Variants in DYNC1I1 observed in about 807,000 individuals in gnomAD.
The protein encoded by DYNC1I1 is cytoplasmic dynein 1 intermediate chain 1.
In DYNC1I1, 43 loss-of-function variants were observed where a neutral mutation model predicts 86.6. The ratio of observed to expected loss-of-function variants is 0.50; its 90% CI spans 0.39 to 0.64. The LOEUF is 0.64. Among genes scored for constraint, DYNC1I1 ranks in the 30% least tolerant of loss-of-function variants. The pLI is 0.00. For missense variants in DYNC1I1, 604 were observed against 788.8 expected, an observed-to-expected ratio of 0.77 and a Z score of 2.81; for synonymous variants, 262 against 283.7, an observed-to-expected ratio of 0.92 and a Z score of 0.77.
intron 6 of DYNC1I1, among the ~76,000 whole-genome samples, chr7:95,968,256 A>G (rs1162335382): frequency 6.6e-6 from 1 of 152,052 alleles, no homozygotes; most frequent in East Asian, 1.9e-4. Context: ...ATACAAAGAG[A>G]TAGAATTAAC....
chr7:95,978,228 G>A (rs1793357734), intron 7 of DYNC1I1, among the ~76,000 whole-genome samples: 1 of 152,138 alleles, frequency 6.6e-6, no homozygotes, highest in Non-Finnish European at 1.5e-5. Flanking sequence ...CAGAGAACTA[G>A]GAAGAGAGAG....
At chr7:96,023,961 G>A (rs775977041) in intron 10 of DYNC1I1, among the ~76,000 whole-genome samples, 12 of 152,134 alleles carry the variant, frequency 7.9e-5, no homozygotes, top group Admixed American at 7.9e-4. Flanking sequence ...ATCAAAATGT[G>A]ATGCTTGCCC....
intron 6 of DYNC1I1, among the ~76,000 whole-genome samples, chr7:95,975,414 T>C (rs548738161): frequency 6.6e-6 from 1 of 152,238 alleles, no homozygotes. Context: ...TCTGGCACTC[T>C]TTGGTGTTCC....
chr7:96,085,620 G>A (rs1790654781), intron 16 of DYNC1I1, among the ~76,000 whole-genome samples: 1 of 152,178 alleles, frequency 6.6e-6, no homozygotes, highest in African/African-American at 2.4e-5. Flanking sequence ...ATAAATGGAA[G>A]TTATGCGAAT....
rs542981341 is a variant in DYNC1I1, at chr7:95,914,787, C to T, written c.490+44789C>T. On this transcript the variant is annotated intron_variant, in intron 6 of 16. Transcript: ENST00000447467. Reference sequence around the variant, plus strand: ...ATTACAGAGGTCTAGTCTGAATTCTCCCGGCTGGGTGCCAGCTGTGCCCAT... The same window carrying T: ...ATTACAGAGGTCTAGTCTGAATTCTTCCGGCTGGGTGCCAGCTGTGCCCAT... Among the ~76,000 whole-genome samples the T allele has an allele frequency of 3.2e-4, 48 of 152,304 alleles. No homozygotes were observed. The South Asian group carries it at 8.9e-3, about 28-fold the overall frequency.
At chr7:95,819,606 A>G (rs1466561242) in intron 4 of DYNC1I1, among the ~76,000 whole-genome samples, 1 of 152,152 alleles carries the variant, frequency 6.6e-6, no homozygotes, top group East Asian at 1.9e-4. Flanking sequence ...TGTAATAAAT[A>G]ATACAAGATT....
chr7:95,869,821 C>A, intron 5 of DYNC1I1, 62 bp from the exon 6 acceptor site: 1 of 1,472,832 alleles, frequency 6.8e-7, no homozygotes, highest in Non-Finnish European at 9.4e-7. Context: ...TCTTTTATTA[C>A]TGATAGCTCT....
chr7:95,956,457 A>G (rs566303137), intron 6 of DYNC1I1, among the ~76,000 whole-genome samples: 1 of 150,316 alleles, frequency 6.7e-6, no homozygotes, highest in South Asian at 2.1e-4. Context: ...ATAGGTATAC[A>G]TGTGCCATGG....
chr7:96,064,319 A>G (rs528278721), intron 14 of DYNC1I1, among the ~76,000 whole-genome samples: 1 of 151,674 alleles, frequency 6.6e-6, no homozygotes, highest in South Asian at 2.1e-4. Context: ...GTCAAAGGAT[A>G]AGTTTATTTG....
chr7:96,075,918 C>T (rs1790322017), intron 14 of DYNC1I1, 139 bp from the exon 15 acceptor site: 2 of 1,202,240 alleles, frequency 1.7e-6, no homozygotes, highest in Middle Eastern at 2.1e-4. Flanking sequence ...CATTAAAGCT[C>T]CGGTTCACCT....
chr7:96,049,401 C>A (rs1789325847), intron 14 of DYNC1I1, among the ~76,000 whole-genome samples: 1 of 151,688 alleles, frequency 6.6e-6, no homozygotes, highest in Non-Finnish European at 1.5e-5. Flanking sequence ...CTTTTTCCAT[C>A]TTACTGACAA....
intron 16 of DYNC1I1, among the ~76,000 whole-genome samples, chr7:96,107,869 GTTTTTT>G (rs1178550637): frequency 1.2e-4 from 14 of 119,072 alleles, no homozygotes; most frequent in African/African-American, 4.1e-4. Context: ...TCATTGACAG[GTTTTTT>G]TTTTTTTTTT....
At chr7:96,102,957 T>C (rs1313819814), downstream of DYNC1I1, among the ~76,000 whole-genome samples, 1 of 152,116 alleles carries the variant, frequency 6.6e-6, no homozygotes, top group African/African-American at 2.4e-5. Flanking sequence ...TACCAACTCA[T>C]AAAGTTGAAT....
intron 14 of DYNC1I1, among the ~76,000 whole-genome samples, chr7:96,074,319 A>G (rs982792645): frequency 1.3e-5 from 2 of 151,980 alleles, no homozygotes; most frequent in Non-Finnish European, 2.9e-5. Flanking sequence ...GGAGGCCAAG[A>G]CGGGCGGATC....
At chr7:95,842,791 C>G (rs554834060) in intron 5 of DYNC1I1, among the ~76,000 whole-genome samples, 5 of 152,180 alleles carry the variant, frequency 3.3e-5, no homozygotes, top group Admixed American at 1.3e-4. Context: ...TTATTTGATG[C>G]TCTATGGGTG....
At chr7:95,917,940 C>G (rs1344415673) in intron 6 of DYNC1I1, among the ~76,000 whole-genome samples, 1 of 152,210 alleles carries the variant, frequency 6.6e-6, no homozygotes, top group Non-Finnish European at 1.5e-5. Flanking sequence ...AATCAAGTCT[C>G]TTAGATGAGG....
chr7:95,907,275 A>C (rs973931843), intron 6 of DYNC1I1, among the ~76,000 whole-genome samples: 3 of 152,154 alleles, frequency 2.0e-5, no homozygotes, highest in African/African-American at 7.2e-5. Context: ...TACTCTCATG[A>C]GTGTAAGTGA....
intron 5 of DYNC1I1, among the ~76,000 whole-genome samples, chr7:95,831,406 TC>T (rs1788897732): frequency 6.6e-6 from 1 of 152,162 alleles, no homozygotes; most frequent in African/African-American, 2.4e-5. Flanking sequence ...AGAGTCTCAC[TC>T]TGTCACCTAG....
intron 7 of DYNC1I1, among the ~76,000 whole-genome samples, chr7:95,980,064 A>T (rs1336110061): frequency 6.6e-6 from 1 of 152,072 alleles, no homozygotes; most frequent in East Asian, 1.9e-4. Context: ...CCCAATCTCC[A>T]AGTCGTCTTC....
Sources: gnomAD v4.1 joint callset for allele counts (sites outside exome capture counted in the v4.1 genomes callset) on GRCh38, gnomAD v4.1.1 for gene constraint, MANE v1.5 for transcripts, NCBI Gene and HGNC (gene_info 2026-07-23, HGNC 2026-07-21) for gene names.